Variants in CDIN1 observed in about 807,000 individuals in gnomAD.
CDIN1 encodes CDAN1-interacting nuclease 1.
A neutral mutation model predicts 45.3 loss-of-function variants in CDIN1; 33 were observed. That is an observed-to-expected ratio of 0.73 (90% CI 0.55 to 0.97). The LOEUF is 0.97. Ranked by LOEUF, CDIN1 falls within the 50% of genes least tolerant of loss-of-function variation. CDIN1 has a pLI of 0.00. For synonymous variants in CDIN1, 118 were observed against 124.4 expected (o/e 0.95, Z 0.34); for missense variants, 303 against 339.4 (o/e 0.89, Z 0.84).
intron 10 of CDIN1, among the ~76,000 whole-genome samples, chr15:36,772,535 A>G (rs1326849365): frequency 1.3e-5 from 2 of 152,216 alleles, no homozygotes; most frequent in Non-Finnish European, 2.9e-5. Flanking sequence ...GCCTCAGGGC[A>G]GTCCATTTTC....
intron 8 of CDIN1, among the ~76,000 whole-genome samples, chr15:36,703,351 C>CAG (rs2042728369): frequency 3.9e-5 from 2 of 51,834 alleles, no homozygotes; most frequent in African/African-American, 2.4e-4. Context: ...CAGATATATA[C>CAG]ATATATCAGA....
intron 10 of CDIN1, among the ~76,000 whole-genome samples, chr15:36,796,578 CT>C (rs2054807664): frequency 6.6e-6 from 1 of 152,232 alleles, no homozygotes; most frequent in African/African-American, 2.4e-5. Context: ...CTGTCTAGCA[CT>C]GGCATCCAGT....
At chr15:36,642,052 G>A in intron 1 of CDIN1, 1 of 152,184 alleles carries the variant, frequency 6.6e-6, no homozygotes, top group East Asian at 1.9e-4. Context: ...GCAGGGTAGA[G>A]GTGGTGAGTT....
At chr15:36,746,673 A>ACACACACG (rs2044451453) in intron 10 of CDIN1, among the ~76,000 whole-genome samples, 1 of 142,530 alleles carries the variant, frequency 7.0e-6, no homozygotes, top group Admixed American at 6.8e-5. Context: ...ATGGTTCCAC[A>ACACACACG]CACACACACA....
At position 36,691,761 on chromosome 15, in the gene CDIN1, TC is replaced by T; in HGVS notation, c.424del (p.Gln142SerfsTer4). 6.3e-7 allele frequency: 1 copy of T among 1,589,474 alleles called. No homozygotes were observed. The highest frequency in any genetic ancestry group is 8.6e-7 in the Non-Finnish European group (1 of 1,163,810). ...PDGVLANQVY[Q>X]CIVNDCCYGP... Reference sequence around the variant, plus strand: ...ATGGAGTTCTAGCAAATCAGGTCTATCAGGTATTAATCACAGCTGTCTATTT... The same window carrying T: ...ATGGAGTTCTAGCAAATCAGGTCTATAGGTATTAATCACAGCTGTCTATTT... On this transcript the variant is annotated frameshift_variant and splice_region_variant, in exon 6 of 11. Transcript: ENST00000566621. LOFTEE classifies it high-confidence loss of function.
At chr15:36,653,628 C>A (rs960730461) in intron 3 of CDIN1, among the ~76,000 whole-genome samples, 9 of 152,076 alleles carry the variant, frequency 5.9e-5, no homozygotes, top group African/African-American at 1.9e-4. Context: ...CACAGGTGTG[C>A]TGACCCACTG....
At chr15:36,595,005 C>G in intron 1 of CDIN1, 1 of 755,716 alleles carries the variant, frequency 1.3e-6, no homozygotes, top group Non-Finnish European at 1.6e-6. Flanking sequence ...CATAGATAAG[C>G]TATAGAGAAA....
At chr15:36,770,183 A>G (rs2054033198) in intron 10 of CDIN1, among the ~76,000 whole-genome samples, 1 of 151,904 alleles carries the variant, frequency 6.6e-6, no homozygotes, top group African/African-American at 2.4e-5. Flanking sequence ...TGAAAGGGAA[A>G]TGAAAAGGAA....
At chr15:36,787,465 G>C (rs2054521302) in intron 10 of CDIN1, among the ~76,000 whole-genome samples, 1 of 151,490 alleles carries the variant, frequency 6.6e-6, no homozygotes, top group Non-Finnish European at 1.5e-5. Context: ...TGCAAAGTTA[G>C]AAGGACTACT....
At chr15:36,666,293 C>T (rs543705844) in intron 5 of CDIN1, among the ~76,000 whole-genome samples, 14 of 152,116 alleles carry the variant, frequency 9.2e-5, no homozygotes, top group Non-Finnish European at 1.6e-4. Context: ...CCTCTACCCC[C>T]ACTGATGAAA....
intron 10 of CDIN1, among the ~76,000 whole-genome samples, chr15:36,717,599 GC>G (rs1282993441): frequency 2.0e-5 from 3 of 151,924 alleles, no homozygotes; most frequent in Non-Finnish European, 2.9e-5. Flanking sequence ...TTTAGTTCTG[GC>G]TATTACTAAT....
At chr15:36,804,090 G>A (rs1306308924) in intron 10 of CDIN1, among the ~76,000 whole-genome samples, 3 of 151,784 alleles carry the variant, frequency 2.0e-5, no homozygotes, top group Non-Finnish European at 4.4e-5. Flanking sequence ...TCTATGCCTT[G>A]GTTTTTTTAC....
intron 1 of CDIN1, among the ~76,000 whole-genome samples, chr15:36,620,812 G>GC (rs201935221): frequency 2.6e-5 from 4 of 151,618 alleles, no homozygotes; most frequent in African/African-American, 9.7e-5. Flanking sequence ...TTTGGGGGGG[G>GC]ACTTATTTCT....
Position 36,809,038 on chromosome 15 carries a change from G to A in CDIN1, c.*585G>A, listed in dbSNP as rs552614916. 2.0e-5 allele frequency: 9 copies of A among 446,782 alleles called. No homozygotes were observed. The highest frequency in any genetic ancestry group is 1.4e-4 in the South Asian group (9 of 63,114). 27.7% of individuals were successfully genotyped at this position (446,782 alleles called of 1,614,324 possible). ...CTTGATGGCAGCCTGCCTATGCTGT[G>A]TGTTTGCTATATTCAATCTTTACGG... On this transcript the variant is annotated 3_prime_UTR_variant, in exon 11 of 11. Coordinates refer to ENST00000566621, the MANE Select transcript of CDIN1 (RefSeq NM_001321759.2).
At chr15:36,771,041 A>G (rs867585211) in intron 10 of CDIN1, among the ~76,000 whole-genome samples, 8 of 152,222 alleles carry the variant, frequency 5.3e-5, no homozygotes, top group Admixed American at 3.3e-4. Flanking sequence ...GATAGTGATG[A>G]GAAGTCACAG....
chr15:36,679,397 A>C (rs895660674), intron 5 of CDIN1, among the ~76,000 whole-genome samples: 1 of 152,170 alleles, frequency 6.6e-6, no homozygotes, highest in African/African-American at 2.4e-5. Context: ...ACAGCCCTGC[A>C]AGGTAAGCAC....
At position 36,616,304 on chromosome 15, in the gene CDIN1, C is replaced by G. The variant is rs960301894; in HGVS notation, c.102-27974C>G. On this transcript the variant is annotated intron_variant, in intron 1 of 10. Coordinates refer to ENST00000566621, the MANE Select transcript of CDIN1 (RefSeq NM_001321759.2). ...TTTCTTTCATTTTTTTTTTTTGAGA[C>G]AGACTTTCGCTCTTGTTGCCCAGGC... is the stretch of plus-strand genomic sequence containing the variant. 2.7e-5 allele frequency among the ~76,000 whole-genome samples: 4 copies of G among 149,046 alleles called. No homozygotes were observed. The Admixed American group carries it at 2.7e-4, about 10-fold the overall frequency.
chr15:36,796,859 T>TCTAA (rs2054816820), intron 10 of CDIN1, among the ~76,000 whole-genome samples: 2 of 152,368 alleles, frequency 1.3e-5, no homozygotes, highest in South Asian at 2.1e-4. Flanking sequence ...ACTTAAAATT[T>TCTAA]CTAACTATAA....
chr15:36,756,066 A>G (rs540502478), intron 10 of CDIN1: 6 of 455,958 alleles, frequency 1.3e-5, no homozygotes, highest in African/African-American at 6.0e-5. Flanking sequence ...ACAAATTCCT[A>G]TGAGGACTGG....
Sources: gnomAD v4.1 joint callset for allele counts (sites outside exome capture counted in the v4.1 genomes callset) on GRCh38, gnomAD v4.1.1 for gene constraint, MANE v1.5 for transcripts, NCBI Gene and HGNC (gene_info 2026-07-23, HGNC 2026-07-21) for gene names.